Variants in PABPC4L observed in about 807,000 individuals in gnomAD.
The protein encoded by PABPC4L is poly(A) binding protein cytoplasmic 4 like, also known as polyadenylate-binding protein 4-like.
For synonymous variants in PABPC4L, 169 were observed against 164.1 expected (o/e 1.03, Z -0.23); for missense variants, 452 against 451.4 (o/e 1.00, Z -0.01).
chr4:134,046,942 A>G, the PABPC4L span, among the ~76,000 whole-genome samples: 2 of 152,164 alleles, frequency 1.3e-5, no homozygotes, highest in Non-Finnish European at 2.9e-5. Context: ...TTCCTTTTCT[A>G]CATAGACACA....
At chr4:134,050,449 A>C in the PABPC4L span, among the ~76,000 whole-genome samples, 1 of 152,156 alleles carries the variant, frequency 6.6e-6, no homozygotes, top group African/African-American at 2.4e-5. Context: ...TCACGCCTGT[A>C]ATCCCAGCAC....
chr4:134,024,203 G>T, the PABPC4L span, among the ~76,000 whole-genome samples: 1 of 152,084 alleles, frequency 6.6e-6, no homozygotes. Context: ...TCTACTTAAA[G>T]ATTCTGTCAG....
the PABPC4L span, among the ~76,000 whole-genome samples, chr4:134,111,659 C>T: frequency 5.9e-4 from 89 of 152,008 alleles, no homozygotes; most frequent in African/African-American, 2.0e-3. Flanking sequence ...CAGTCTTTCT[C>T]GTGCTATTCT....
At chr4:134,189,240 T>A in the PABPC4L span, among the ~76,000 whole-genome samples, 10 of 152,134 alleles carry the variant, frequency 6.6e-5, no homozygotes, top group Non-Finnish European at 1.3e-4. Flanking sequence ...TTCACTAAAG[T>A]TTTTTAAATT....
the PABPC4L span, among the ~76,000 whole-genome samples, chr4:134,063,081 G>C: frequency 6.6e-6 from 1 of 152,064 alleles, no homozygotes; most frequent in Non-Finnish European, 1.5e-5. Flanking sequence ...TTGTTTGAAG[G>C]CTTTAGCGAG....
chr4:133,987,416 A>C, the PABPC4L span, among the ~76,000 whole-genome samples: 26 of 152,326 alleles, frequency 1.7e-4, no homozygotes, highest in Non-Finnish European at 2.6e-4. Context: ...ATTTAAAGAA[A>C]GTCCATCTCT....
chr4:134,186,468 C>G, the PABPC4L span, among the ~76,000 whole-genome samples: 2 of 152,082 alleles, frequency 1.3e-5, no homozygotes, highest in African/African-American at 4.8e-5. Context: ...ATAAATGGTG[C>G]TGGGAAAACT....
At chr4:134,029,384 G>T in the PABPC4L span, among the ~76,000 whole-genome samples, 3 of 152,008 alleles carry the variant, frequency 2.0e-5, no homozygotes, top group African/African-American at 7.2e-5. Context: ...CCAACTACTG[G>T]AAACCCCTAA....
At chr4:134,184,213 T>A in the PABPC4L span, among the ~76,000 whole-genome samples, 1 of 151,938 alleles carries the variant, frequency 6.6e-6, no homozygotes, top group African/African-American at 2.4e-5. Flanking sequence ...TATGGCACTA[T>A]ATCATTTTGG....
At chr4:133,997,516 C>A in the PABPC4L span, among the ~76,000 whole-genome samples, 1 of 151,776 alleles carries the variant, frequency 6.6e-6, no homozygotes, top group African/African-American at 2.4e-5. Flanking sequence ...AAAAAAAAAC[C>A]TTTTGTATAG....
At chr4:134,008,882 A>G in the PABPC4L span, among the ~76,000 whole-genome samples, 14,167 of 151,826 alleles carry the variant, frequency 0.093, 714 homozygotes, top group South Asian at 0.13. Context: ...GAGGTTCAAC[A>G]ATAAAAGAGA....
chr4:133,992,073 G>A, the PABPC4L span, among the ~76,000 whole-genome samples: 7 of 152,146 alleles, frequency 4.6e-5, no homozygotes, highest in African/African-American at 1.4e-4. Context: ...GTGTTTTAGG[G>A]TGGCATGGAC....
chr4:134,122,205 A>C, the PABPC4L span, among the ~76,000 whole-genome samples: 2 of 151,804 alleles, frequency 1.3e-5, no homozygotes, highest in Non-Finnish European at 2.9e-5. Context: ...ATGTAATTAC[A>C]CTATCAAATC....
the PABPC4L span, among the ~76,000 whole-genome samples, chr4:134,035,769 A>G: frequency 6.6e-6 from 1 of 152,004 alleles, no homozygotes; most frequent in African/African-American, 2.4e-5. Flanking sequence ...TTATATTCCT[A>G]TATGATGGTT....
the PABPC4L span, among the ~76,000 whole-genome samples, chr4:133,998,308 C>A: frequency 2.0e-5 from 3 of 151,840 alleles, no homozygotes; most frequent in Non-Finnish European, 2.9e-5. Flanking sequence ...AGCTGAAGTT[C>A]ACATTTTCCC....
chr4:134,160,299 G>C, the PABPC4L span, among the ~76,000 whole-genome samples: 319 of 152,218 alleles, frequency 2.1e-3, 2 homozygotes, highest in African/African-American at 7.5e-3. Context: ...GGAGAAAAGA[G>C]AGGGAAGAGA....
chr4:134,133,471 T>TA, the PABPC4L span, among the ~76,000 whole-genome samples: 2 of 147,224 alleles, frequency 1.4e-5, no homozygotes, highest in African/African-American at 4.9e-5. Flanking sequence ...TCATATATTT[T>TA]ATATATACAC....
chr4:133,987,223 T>C, the PABPC4L span, among the ~76,000 whole-genome samples: 1 of 152,180 alleles, frequency 6.6e-6, no homozygotes, highest in Non-Finnish European at 1.5e-5. Context: ...TTATTATGGA[T>C]GCATCAGGGT....
At chr4:134,027,893 A>T in the PABPC4L span, among the ~76,000 whole-genome samples, 95 of 152,278 alleles carry the variant, frequency 6.2e-4, no homozygotes, top group African/African-American at 2.3e-3. Flanking sequence ...GAGACACCTA[A>T]AGTGAGAACA....
Sources: gnomAD v4.1 joint callset for allele counts (sites outside exome capture counted in the v4.1 genomes callset) on GRCh38, gnomAD v4.1.1 for gene constraint, MANE v1.5 for transcripts, NCBI Gene and HGNC (gene_info 2026-07-23, HGNC 2026-07-21) for gene names.